The following INSIG2 variants were observed in gnomAD, a reference collection of about 807,000 sequenced individuals.
INSIG2 encodes the protein insulin-induced gene 2 protein.
In INSIG2, 10 loss-of-function variants were observed where a neutral mutation model predicts 27.2. That is an observed-to-expected ratio of 0.37 (90% confidence interval 0.23 to 0.62). INSIG2 has a LOEUF of 0.62. INSIG2 is among the 20% of genes least tolerant of loss of function. The probability of loss-of-function intolerance (pLI) is 0.65; values close to 1 mark genes in which losing one functional copy is unlikely to be tolerated. For synonymous variants in INSIG2, 97 were observed against 95.8 expected, an observed-to-expected ratio of 1.01 and a Z score of -0.07; for missense variants, 178 against 270.2, an observed-to-expected ratio of 0.66 and a Z score of 2.39.
chr2:118,099,399 T>C (rs1473395675), intron 2 of INSIG2, among the ~76,000 whole-genome samples: 2 of 152,224 alleles, frequency 1.3e-5, no homozygotes, highest in Admixed American at 1.3e-4. Flanking sequence ...TTGCTAGTGG[T>C]GGTTCTGGTG....
chr2:118,089,910 G>A (rs556655718), intron 1 of INSIG2, among the ~76,000 whole-genome samples: 3 of 152,258 alleles, frequency 2.0e-5, no homozygotes, highest in South Asian at 2.1e-4. Context: ...ACCTGTAAGG[G>A]GCTGTAAATG....
chr2:118,108,384 A>C lies in INSIG2; in HGVS notation c.*62A>C. ...ATGAAAAGGATGTGAAATGGTAGAT[A>C]TACCAACAAAACTTCAGACTGTAAA... On this transcript the variant is annotated 3_prime_UTR_variant, in exon 6 of 6. Coordinates refer to ENST00000245787, the MANE Select transcript of INSIG2 (RefSeq NM_016133.4). 7.7e-7 allele frequency: 1 copy of C among 1,294,856 alleles called. No individual in the cohort carries two copies. The highest frequency in any genetic ancestry group is 1.3e-5 in the South Asian group (1 of 79,388). The allele number at this position is 1,294,856 out of a possible 1,614,324, so 80.2% of individuals were successfully genotyped here.
chr2:118,103,976 GA>G (rs538455868), intron 3 of INSIG2, among the ~76,000 whole-genome samples: 155 of 152,164 alleles, frequency 1.0e-3, no homozygotes, highest in African/African-American at 3.7e-3. Flanking sequence ...TCTCTGCCCA[GA>G]AAAAAATGTT....
intron 1 of INSIG2, among the ~76,000 whole-genome samples, chr2:118,094,389 G>GATGATGATGATGATGATGAT (rs58844046): frequency 9.5e-5 from 14 of 148,138 alleles, no homozygotes; most frequent in African/African-American, 3.0e-4. Flanking sequence ...TGATGATGAT[G>GATGATGATGATGATGATGAT]GAGAGTTCTG....
At chr2:118,108,260 T>C (rs1678723676) in intron 5 of INSIG2, 21 bp from the exon 6 acceptor site, 1 of 1,562,962 alleles carries the variant, frequency 6.4e-7, no homozygotes, top group African/African-American at 1.4e-5. Flanking sequence ...TGTTAACCTT[T>C]TAACCTTTTA....
intron 2 of INSIG2, among the ~76,000 whole-genome samples, chr2:118,097,229 T>C (rs1201601683): frequency 6.6e-6 from 1 of 152,228 alleles, no homozygotes; most frequent in Non-Finnish European, 1.5e-5. Context: ...CCTGTTTCCC[T>C]TAGGGATGAA....
intron 3 of INSIG2, among the ~76,000 whole-genome samples, chr2:118,106,108 A>G (rs942489881): frequency 6.6e-6 from 1 of 152,216 alleles, no homozygotes; most frequent in African/African-American, 2.4e-5. Flanking sequence ...TTGTAAGATA[A>G]TGTTCACTTC....
intron 2 of INSIG2, among the ~76,000 whole-genome samples, chr2:118,100,544 A>AT (rs1214170661): frequency 2.0e-5 from 3 of 151,306 alleles, no homozygotes; most frequent in South Asian, 2.1e-4. Flanking sequence ...ACGTCCAGCT[A>AT]TTTTTTTGTA....
chr2:118,089,455 C>T (rs920740712), intron 1 of INSIG2, among the ~76,000 whole-genome samples: 4 of 151,868 alleles, frequency 2.6e-5, no homozygotes, highest in African/African-American at 9.7e-5. Flanking sequence ...CGTCCTGGTG[C>T]AGAAAAAATA....
rs1678420846 is a variant in INSIG2, at chr2:118,096,868, G to T, written c.244+68G>T. On this transcript the variant is annotated intron_variant, in intron 2 of 5. Transcript: ENST00000245787. Reference sequence around the variant, plus strand: ...GTAAATGAGTATGGACGTTGTCTGAGCAATAAACCTTTTTAAAAAAGAAAA... The same window carrying T: ...GTAAATGAGTATGGACGTTGTCTGATCAATAAACCTTTTTAAAAAAGAAAA... 2.0e-6 allele frequency: 3 copies of T among 1,487,384 alleles called. No homozygotes were observed. The East Asian group carries it at 6.8e-5, about 34-fold the overall frequency. 92.1% of individuals were successfully genotyped at this position (1,487,384 alleles called of 1,614,324 possible).
At chr2:118,102,407 C>A (rs1678568434) in intron 2 of INSIG2, 1 of 152,184 alleles carries the variant, frequency 6.6e-6, no homozygotes, top group African/African-American at 2.4e-5. Flanking sequence ...TCAAAGTGTT[C>A]TTTCCAAAAC....
chr2:118,092,319 TTTC>T (rs1310139740), intron 1 of INSIG2, among the ~76,000 whole-genome samples: 5 of 152,220 alleles, frequency 3.3e-5, no homozygotes, highest in African/African-American at 9.6e-5. Context: ...TTTGCTATTT[TTTC>T]TTTTTACTTT....
At chr2:118,091,172 A>T (rs1573567197) in intron 1 of INSIG2, among the ~76,000 whole-genome samples, 1 of 152,226 alleles carries the variant, frequency 6.6e-6, no homozygotes, top group Non-Finnish European at 1.5e-5. Context: ...TTCAAAGTAA[A>T]CTAAGGGAGC....
intron 3 of INSIG2, among the ~76,000 whole-genome samples, chr2:118,104,517 A>T (rs34910594): frequency 0.014 from 2,153 of 152,328 alleles, 29 homozygotes; most frequent in Non-Finnish European, 0.022. Flanking sequence ...AAGATTTTAT[A>T]AAAAATCTAG....
At position 118,108,438 on chromosome 2, in the gene INSIG2, T is replaced by A; in HGVS notation, c.*116T>A. ...GCCAGGATGCAGTTTTCCCCTTGAT[T>A]GGCGTGTGTGTATATATGGATAAAT... On this transcript the variant is annotated 3_prime_UTR_variant, in exon 6 of 6. Coordinates refer to ENST00000245787, the MANE Select transcript of INSIG2 (RefSeq NM_016133.4). 1.4e-6 allele frequency: 1 copy of A among 711,526 alleles called. No individual in the cohort carries two copies. The highest frequency in any genetic ancestry group is 2.5e-6 in the Non-Finnish European group (1 of 402,374). 44.1% of individuals were successfully genotyped at this position (711,526 alleles called of 1,614,324 possible).
At chr2:118,089,167 T>C (rs1678165841) in intron 1 of INSIG2, among the ~76,000 whole-genome samples, 1 of 152,122 alleles carries the variant, frequency 6.6e-6, no homozygotes, top group Admixed American at 6.5e-5. Flanking sequence ...ATTGGCAATA[T>C]GGAGAAGGAA....
At chr2:118,094,442 G>T (rs1479933923) in intron 1 of INSIG2, among the ~76,000 whole-genome samples, 2 of 152,118 alleles carry the variant, frequency 1.3e-5, no homozygotes, top group Admixed American at 1.3e-4. Context: ...TGCATGGCAT[G>T]CTCATATGCC....
Position 118,107,201 on chromosome 2 carries a change from C to T in INSIG2, c.636+12C>T, listed in dbSNP as rs1284132942. The T allele has an allele frequency of 2.6e-6, 4 of 1,559,898 alleles. No individual in the cohort carries two copies. Among genetic ancestry groups the T allele is most frequent in the Non-Finnish European group, 3.5e-6 (4 of 1,131,768 alleles). ...GACAACTGGCAATGGTAAGCTGATGCTCACTTTTCTGAATAAGATGTGGAA... is the reference window on the plus strand; with the variant it reads ...GACAACTGGCAATGGTAAGCTGATGTTCACTTTTCTGAATAAGATGTGGAA... On this transcript the variant is annotated intron_variant, in intron 5 of 5. Transcript: ENST00000245787.
rs1196739596 is a variant in INSIG2 at position 118,109,443 on chromosome 2, A to T, written c.*1121A>T. ...CAAGTCTGTTTAAGAGTGTATTGAG[A>T]TGGCATTCTCTGCATGTTAAAGATC... On this transcript the variant is annotated 3_prime_UTR_variant, in exon 6 of 6. Transcript: ENST00000245787. The T allele has an allele frequency of 2.0e-5, 3 of 152,148 alleles. No homozygotes were observed. The highest frequency in any genetic ancestry group is 4.4e-5 in the Non-Finnish European group (3 of 68,036). 9.4% of individuals were successfully genotyped at this position (152,148 alleles called of 1,614,324 possible). A position where few individuals can be genotyped will look rare whatever the true frequency, so the allele number is the denominator to read the frequency against.
Sources: allele counts gnomAD v4.1 joint callset (sites outside exome capture counted in the v4.1 genomes callset), GRCh38; gene constraint gnomAD v4.1.1; transcripts MANE v1.5; gene names NCBI Gene and HGNC (gene_info 2026-07-23, HGNC 2026-07-21).